Variants in HMGB1 observed in about 807,000 individuals in gnomAD.
HMGB1 encodes high mobility group box 1.
For missense variants in HMGB1, 79 were observed against 253.5 expected (o/e 0.31, Z 4.67); for synonymous variants, 81 against 84.0 (o/e 0.96, Z 0.19).
intron 1 of HMGB1, among the ~76,000 whole-genome samples, chr13:30,566,334 G>T (rs1314540267): frequency 6.6e-6 from 1 of 152,054 alleles, no homozygotes; most frequent in African/African-American, 2.4e-5. Context: ...TTCTGTAAGG[G>T]GCCAGAGAGT....
chr13:30,573,381 T>G (rs1055915585), intron 1 of HMGB1, among the ~76,000 whole-genome samples: 8 of 152,246 alleles, frequency 5.3e-5, no homozygotes, highest in Non-Finnish European at 1.0e-4. Flanking sequence ...TATGATTTTC[T>G]GATTTTTAGA....
intron 1 of HMGB1, among the ~76,000 whole-genome samples, chr13:30,482,449 A>G (rs1380284061): frequency 6.6e-6 from 1 of 152,230 alleles, no homozygotes; most frequent in African/African-American, 2.4e-5. Context: ...TTTACTGGGC[A>G]TTCACCATCT....
intron 1 of HMGB1, among the ~76,000 whole-genome samples, chr13:30,609,051 G>C (rs181538443): frequency 1.3e-5 from 2 of 149,114 alleles, no homozygotes; most frequent in African/African-American, 4.9e-5. Context: ...CACGAGGTCA[G>C]GAGATCAAGA....
chr13:30,503,390 T>C (rs948554019), intron 1 of HMGB1, among the ~76,000 whole-genome samples: 1 of 151,804 alleles, frequency 6.6e-6, no homozygotes, highest in African/African-American at 2.4e-5. Context: ...TAAGGTAATG[T>C]AGATAAAGTG....
chr13:30,505,705 G>A (rs535458313), intron 1 of HMGB1, among the ~76,000 whole-genome samples: 7 of 152,156 alleles, frequency 4.6e-5, no homozygotes, highest in Admixed American at 2.6e-4. Flanking sequence ...TCAACACAGG[G>A]CCCATCCCGT....
intron 1 of HMGB1, among the ~76,000 whole-genome samples, chr13:30,613,052 A>C (rs1950527450): frequency 6.6e-6 from 1 of 152,046 alleles, no homozygotes; most frequent in African/African-American, 2.4e-5. Flanking sequence ...TGCAAATTTG[A>C]GTAAATTGTT....
intron 1 of HMGB1, among the ~76,000 whole-genome samples, chr13:30,506,403 A>G (rs1887867268): frequency 2.6e-5 from 4 of 152,170 alleles, no homozygotes; most frequent in Non-Finnish European, 5.9e-5. Context: ...CAAGTGTAGC[A>G]CGGAGGCTAC....
chr13:30,493,954 A>C (rs1887555047), intron 1 of HMGB1, among the ~76,000 whole-genome samples: 1 of 152,172 alleles, frequency 6.6e-6, no homozygotes, highest in Admixed American at 6.5e-5. Flanking sequence ...TTAAAAAAAA[A>C]AATTGGGAAA....
In HMGB1 at chr13:30,509,017, C is replaced by G. The variant is rs570987441; in HGVS notation, c.-14-45323G>C. ...TGGTGCTATCACAGCACACTGTAGC[C>G]TCGACTTCCTGGGTTCAAGCCATCC... On this transcript the variant is annotated intron_variant, in intron 1 of 4. Transcript: ENST00000405805. 6.6e-5 allele frequency among the ~76,000 whole-genome samples: 10 copies of G among 152,208 alleles called. No homozygotes were observed. In the South Asian group the frequency reaches 1.9e-3, roughly 28 times the overall value.
Position 30,580,890 on chromosome 13 carries a change from A to C in HMGB1, c.-15+35781T>G, listed in dbSNP as rs191747716. ...TAGCTAATCCTCATTGGTCGTTAGA[A>C]TTGAGACACCCTTTCCTTGAAATCA... On this transcript the variant is annotated intron_variant, in intron 1 of 4. Coordinates refer to the HMGB1 transcript ENST00000405805. Among the ~76,000 whole-genome samples, 226 of 152,312 alleles carry C rather than the reference A, an allele frequency of 1.5e-3. 1 individual carries two copies. Among genetic ancestry groups the C allele is most frequent in the African/African-American group, 5.2e-3 (216 of 41,570 alleles).
At chr13:30,581,694 T>A (rs1191949776) in intron 1 of HMGB1, among the ~76,000 whole-genome samples, 1 of 152,126 alleles carries the variant, frequency 6.6e-6, no homozygotes, top group Non-Finnish European at 1.5e-5. Context: ...GGGTTCCCAA[T>A]CAGGACTCTT....
Position 30,478,334 on chromosome 13 carries a change from A to T in HMGB1, c.-14-14640T>A, listed in dbSNP as rs117257378. Among the ~76,000 whole-genome samples, 662 of 152,234 alleles carry T rather than the reference A, an allele frequency of 4.3e-3. 7 individuals carry two copies. The highest frequency in any genetic ancestry group is 0.011 in the East Asian group (58 of 5,162). ...CACTCCAGCCTGGGGACAGAGTGAG[A>T]CCCTGTCTCTAAAAAGAATTATTTT... On this transcript the variant is annotated intron_variant, in intron 1 of 4. Transcript: ENST00000405805.
chr13:30,481,953 CTGAG>C (rs1887238154), intron 1 of HMGB1, among the ~76,000 whole-genome samples: 1 of 152,166 alleles, frequency 6.6e-6, no homozygotes, highest in African/African-American at 2.4e-5. Flanking sequence ...CCTCAGCCTC[CTGAG>C]TATCTGGGAC....
intron 1 of HMGB1, among the ~76,000 whole-genome samples, chr13:30,547,512 T>C (rs942290885): frequency 1.7e-4 from 26 of 152,164 alleles, no homozygotes; most frequent in African/African-American, 6.3e-4. Context: ...CCTGTGAATA[T>C]GAGAACAGAT....
rs577884545 is a variant in HMGB1, at chr13:30,580,447, C to T, written c.-15+36224G>A. Among the ~76,000 whole-genome samples the T allele has an allele frequency of 8.7e-4, 133 of 152,310 alleles. 1 individual carries two copies. Among genetic ancestry groups the T allele is most frequent in the African/African-American group, 3.1e-3 (127 of 41,572 alleles). On this transcript the variant is annotated intron_variant, in intron 1 of 4. Transcript: ENST00000405805. Reference sequence around the variant, plus strand: ...GAATCACCTTGGGCTCACAGTTAGACATCAGCTATGGCTTGTTTTATTTAA... The same window carrying T: ...GAATCACCTTGGGCTCACAGTTAGATATCAGCTATGGCTTGTTTTATTTAA...
intron 1 of HMGB1, among the ~76,000 whole-genome samples, chr13:30,499,021 C>T (rs1372068624): frequency 4.0e-5 from 6 of 150,960 alleles, no homozygotes; most frequent in Admixed American, 2.0e-4. Flanking sequence ...GGTGCAATCT[C>T]GGCTCACTCC....
chr13:30,572,754 A>G (rs1242873102), intron 1 of HMGB1, among the ~76,000 whole-genome samples: 1 of 152,194 alleles, frequency 6.6e-6, no homozygotes, highest in Non-Finnish European at 1.5e-5. Flanking sequence ...AGAATAAGTT[A>G]TTTGTGGGTA....
At position 30,463,708 on chromosome 13, in the gene HMGB1, T is replaced by G. The variant is rs757164276; in HGVS notation, c.-14-14A>C. The G allele has an allele frequency of 6.7e-7, 1 of 1,495,528 alleles. No individual in the cohort carries two copies. Among genetic ancestry groups the G allele is most frequent in the Non-Finnish European group, 9.0e-7 (1 of 1,108,284 alleles). 92.6% of individuals were successfully genotyped at this position (1,495,528 alleles called of 1,614,324 possible). A position where few individuals can be genotyped will look rare whatever the true frequency, so the allele number is the denominator to read the frequency against. The stretch of plus-strand genomic sequence containing the variant: ...TTAGTTATTTTTCTAAAAAATAAAA[T>G]AAATATTTGATGTTAGCAATAAAAT... On this transcript the variant is annotated splice_polypyrimidine_tract_variant and intron_variant, in intron 1 of 4. Transcript: ENST00000341423.
intron 1 of HMGB1, among the ~76,000 whole-genome samples, chr13:30,571,439 CATG>C (rs1870425585): frequency 6.6e-6 from 1 of 152,036 alleles, no homozygotes; most frequent in Non-Finnish European, 1.5e-5. Flanking sequence ...GGACTACAGG[CATG>C]TGCCACCATG....
Sources: allele counts gnomAD v4.1 joint callset (sites outside exome capture counted in the v4.1 genomes callset), GRCh38; gene constraint gnomAD v4.1.1; transcripts MANE v1.5; gene names NCBI Gene and HGNC (gene_info 2026-07-23, HGNC 2026-07-21).